The following EPHA2 variants were observed in gnomAD, a reference collection of about 807,000 sequenced individuals.
EPHA2 encodes the protein EPH receptor A2.
In EPHA2, 54 loss-of-function variants were observed where a neutral mutation model predicts 104.9. That is an observed-to-expected ratio of 0.51 (90% CI 0.41 to 0.65). The LOEUF (loss-of-function observed/expected upper bound fraction) is 0.65. Among genes scored for constraint, EPHA2 ranks in the 30% least tolerant of loss-of-function variants. EPHA2 has a pLI of 0.00. For synonymous variants in EPHA2, 560 were observed against 559.1 expected, an observed-to-expected ratio of 1.00 and a Z score of -0.02; for missense variants, 1,117 against 1,369.5, an observed-to-expected ratio of 0.82 and a Z score of 2.91.
chr1:16,153,922 C>A (rs2025095262), intron 1 of EPHA2, among the ~76,000 whole-genome samples: 2 of 151,966 alleles, frequency 1.3e-5, no homozygotes, highest in South Asian at 2.1e-4. Flanking sequence ...CACCTAGGCA[C>A]ACTTCTCTAG....
intron 3 of EPHA2, among the ~76,000 whole-genome samples, chr1:16,147,382 C>G (rs544940441): frequency 6.6e-6 from 1 of 152,256 alleles, no homozygotes; most frequent in South Asian, 2.1e-4. Flanking sequence ...CCCAAAAGCT[C>G]CGCGGGTGAT....
chr1:16,126,260 G>A (rs76061763), intron 16 of EPHA2, among the ~76,000 whole-genome samples: 3,051 of 152,244 alleles, frequency 0.02, 116 homozygotes, highest in African/African-American at 0.068. Context: ...AACCTGTGAG[G>A]AGGGCATTTA....
chr1:16,139,514 C>T (rs2024782397), intron 3 of EPHA2, among the ~76,000 whole-genome samples: 1 of 152,216 alleles, frequency 6.6e-6, no homozygotes, highest in African/African-American at 2.4e-5. Flanking sequence ...CTCCTGATCT[C>T]AGGGAGCAGA....
In EPHA2 at chr1:16,148,457, T is replaced by C; in HGVS notation, c.744A>G (p.Ala248=). The C allele has an allele frequency of 6.2e-7, 1 of 1,613,894 alleles. No individual in the cohort carries two copies. The highest frequency in any genetic ancestry group is 8.5e-7 in the Non-Finnish European group (1 of 1,180,038). The stretch of plus-strand genomic sequence containing the variant: ...TGGGCACCAGCCACTCGCCATCCAC[T>C]GCACAGTGCATACGGGGCTCTTCAC... ...PGGEEPRMHC[A]VDGEWLVPIG... The change falls in exon 3 of 17, where the codon GCA becomes GCG. Residue 248 remains alanine, a synonymous_variant. Coordinates refer to ENST00000358432, the MANE Select transcript of EPHA2 (RefSeq NM_004431.5). This position sits in a 1 kb window ranked among gnomAD's most constrained non-coding sequence, Gnocchi z 4.9.
chr1:16,135,326 G>A lies in EPHA2; in HGVS notation c.1429-137C>T, dbSNP rs1045360753. On this transcript the variant is annotated intron_variant, in intron 6 of 16. Coordinates refer to ENST00000358432, the MANE Select transcript of EPHA2 (RefSeq NM_004431.5). This position sits in a 1 kb window ranked among gnomAD's most constrained non-coding sequence, Gnocchi z 4.3. ...ACTTGAGGCTCTTCTTACAGAGGAG[G>A]AAACTGAGGCTCGGAATTAAGTGAC... 49 of 1,156,298 alleles carry A rather than the reference G, an allele frequency of 4.2e-5. No individual in the cohort carries two copies. In the African/African-American group the frequency reaches 6.2e-4, roughly 15 times the overall value. The allele number at this position is 1,156,298 out of a possible 1,614,324, so 71.6% of individuals were successfully genotyped here.
chr1:16,154,444 G>T (rs1159718799), intron 1 of EPHA2, among the ~76,000 whole-genome samples: 1 of 152,022 alleles, frequency 6.6e-6, no homozygotes, highest in East Asian at 1.9e-4. Context: ...TCCAAACCCA[G>T]TTTGGGAGGC....
intron 1 of EPHA2, 101 bp from the exon 2 acceptor site, chr1:16,151,064 C>A: frequency 8.3e-7 from 1 of 1,206,128 alleles, no homozygotes; most frequent in Middle Eastern, 1.9e-4. Flanking sequence ...AACTCTCAGA[C>A]AGAGCGAGAG....
chr1:16,130,364 G>A lies in EPHA2; in HGVS notation c.2531C>T (p.Ser844Phe), dbSNP rs1301152468. 1 of 1,580,064 alleles carries A rather than the reference G, an allele frequency of 6.3e-7. No homozygotes were observed. The highest frequency in any genetic ancestry group is 8.6e-7 in the Non-Finnish European group (1 of 1,157,458). The part of the protein sequence containing the change: ...FRLPTPMDCP[S>F]AIYQLMMQCW... ...CTGCATCATGAGCTGGTAGATGGCG[G>A]AGGGGCAGTCCATGGGTGTGGGGAG... Residue 844 changes from serine to phenylalanine, a missense_variant, in exon 15 of 17, where the codon TCC becomes TTC. Coordinates refer to ENST00000358432, the MANE Select transcript of EPHA2 (RefSeq NM_004431.5). This position sits in a 1 kb window ranked among gnomAD's most constrained non-coding sequence, Gnocchi z 4.5.
chr1:16,136,803 T>C (rs1307982073), intron 5 of EPHA2, among the ~76,000 whole-genome samples: 8 of 149,010 alleles, frequency 5.4e-5, no homozygotes, highest in Non-Finnish European at 7.5e-5. Flanking sequence ...CTTTCTTTTT[T>C]TTTTTTTCTT....
chr1:16,145,250 C>T (rs1019413786), intron 3 of EPHA2, among the ~76,000 whole-genome samples: 9 of 152,312 alleles, frequency 5.9e-5, no homozygotes, highest in South Asian at 2.1e-4. Flanking sequence ...TCAGCCCGAG[C>T]GACTCCACTG....
chr1:16,148,837 A>C lies in EPHA2; in HGVS notation c.364T>G (p.Tyr122Asp). 2.5e-6 allele frequency: 4 copies of C among 1,614,122 alleles called. No homozygotes were observed. The highest frequency in any genetic ancestry group is 3.4e-6 in the Non-Finnish European group (4 of 1,180,040). Residue 122 changes from tyrosine (Y) to aspartate (D), a missense_variant, in exon 3 of 17, where the codon TAC (tyrosine) becomes GAC (aspartate). Around this residue, in one of 3 missense-constraint regions of EPHA2, gnomAD observed 664 missense variants for 784.8 expected, o/e 0.85. Coordinates refer to ENST00000358432, the MANE Select transcript of EPHA2 (RefSeq NM_004431.5). This position sits in a 1 kb window ranked among gnomAD's most constrained non-coding sequence, Gnocchi z 4.9. ...TAGTCCAGGTCCGACTCGGCATAGTAGAGGTTGAAAGTCTCCTTGCAGGAG... is the reference window on the plus strand; with the variant it reads ...TAGTCCAGGTCCGACTCGGCATAGTCGAGGTTGAAAGTCTCCTTGCAGGAG... ...ASSCKETFNLYYAESDLDYGT... is the reference protein window; with the variant it reads ...ASSCKETFNLDYAESDLDYGT...
intron 5 of EPHA2, among the ~76,000 whole-genome samples, chr1:16,137,177 C>G (rs1280997030): frequency 2.0e-5 from 3 of 152,046 alleles, no homozygotes; most frequent in African/African-American, 7.2e-5. Flanking sequence ...CCCACAGTCA[C>G]AGAGCTCAGA....
Position 16,131,668 on chromosome 1 carries a change from T to C in EPHA2, c.2475+53A>G. ...CCCAGCCCCTGCAGTTTGAGATGAG[T>C]AAAGGGCTTGAGTTCAGGTCCGGAC... On this transcript the variant is annotated intron_variant, in intron 14 of 16. Transcript: ENST00000358432. The surrounding 1 kb of genome is among the most constrained non-coding windows in gnomAD (Gnocchi z 5.2). 2 of 1,611,548 alleles carry C rather than the reference T, an allele frequency of 1.2e-6. No individual in the cohort carries two copies. Among genetic ancestry groups the C allele is most frequent in the East Asian group, 4.5e-5 (2 of 44,826 alleles).
chr1:16,126,264 G>A (rs1406410633), intron 16 of EPHA2, among the ~76,000 whole-genome samples: 1 of 152,174 alleles, frequency 6.6e-6, no homozygotes, highest in African/African-American at 2.4e-5. Context: ...TGTGAGGAGG[G>A]CATTTATTAC....
chr1:16,128,666 G>T lies in EPHA2; in HGVS notation c.2825+768C>A, dbSNP rs2024514644. Among the ~76,000 whole-genome samples the T allele has an allele frequency of 6.6e-6, 1 of 152,212 alleles. No homozygotes were observed. Among genetic ancestry groups the T allele is most frequent in the East Asian group, 1.9e-4 (1 of 5,176 alleles). On this transcript the variant is annotated intron_variant, in intron 16 of 16. Coordinates refer to ENST00000358432, the MANE Select transcript of EPHA2 (RefSeq NM_004431.5). This position sits in a 1 kb window ranked among gnomAD's most constrained non-coding sequence, Gnocchi z 4.7. ...CTCCCCCTTCCTGGGACAGGAGGAG[G>T]TGTCTGTGCCAAGGCCATGCCGGGA...
Position 16,125,344 on chromosome 1 carries a change from GAGAGTTA to G in EPHA2, c.2826-31_2826-25del. ...CGCTGTGGGCCGGGAGGGAGAGAGG[GAGAGTTA>G]GGGGCTGGAGCAGGGGAGGGGGCCG... On this transcript the variant is annotated intron_variant, in intron 16 of 16. Coordinates refer to ENST00000358432, the MANE Select transcript of EPHA2 (RefSeq NM_004431.5). The surrounding 1 kb of genome is among the most constrained non-coding windows in gnomAD (Gnocchi z 4.9). 8.5e-7 allele frequency: 1 copy of G among 1,179,052 alleles called. No individual in the cohort carries two copies. Among genetic ancestry groups the G allele is most frequent in the Non-Finnish European group, 1.2e-6 (1 of 852,086 alleles). 73.0% of individuals were successfully genotyped at this position (1,179,052 alleles called of 1,614,324 possible). A position where few individuals can be genotyped will look rare whatever the true frequency, so the allele number is the denominator to read the frequency against.
At chr1:16,143,979 C>T (rs1393622671) in intron 3 of EPHA2, among the ~76,000 whole-genome samples, 1 of 152,148 alleles carries the variant, frequency 6.6e-6, no homozygotes, top group African/African-American at 2.4e-5. Context: ...TTCACACACA[C>T]CCTAGGGAGC....
rs541293567 is a variant in EPHA2 at position 16,135,914 on chromosome 1, A to G, written c.1313-144T>C. ...GAGACAGGATCTCGCTCTCTCACCC[A>G]GGCTCGAGTGCAGTGGCATGATCTC... On this transcript the variant is annotated intron_variant, in intron 5 of 16. Transcript: ENST00000358432. The surrounding 1 kb of genome is among the most constrained non-coding windows in gnomAD (Gnocchi z 4.3). 1.3e-4 allele frequency: 79 copies of G among 610,442 alleles called. No homozygotes were observed. The Middle Eastern group carries it at 1.8e-3, about 14-fold the overall frequency. 37.8% of individuals were successfully genotyped at this position (610,442 alleles called of 1,614,324 possible). A position where few individuals can be genotyped will look rare whatever the true frequency, so the allele number is the denominator to read the frequency against.
intron 3 of EPHA2, among the ~76,000 whole-genome samples, chr1:16,144,610 C>G (rs552941019): frequency 6.6e-6 from 1 of 152,356 alleles, no homozygotes; most frequent in Non-Finnish European, 1.5e-5. Context: ...CCCCGGTGTT[C>G]AGACTGAGCC....
Sources: allele counts gnomAD v4.1 joint callset (sites outside exome capture counted in the v4.1 genomes callset), GRCh38; gene constraint gnomAD v4.1.1; regional missense constraint gnomAD v4.1.1; non-coding constraint Gnocchi (gnomAD v3.1); transcripts MANE v1.5; gene names NCBI Gene and HGNC (gene_info 2026-07-23, HGNC 2026-07-21).